Variants in PDPK1 observed in about 807,000 individuals in gnomAD.
PDPK1 encodes the protein 3-phosphoinositide dependent protein kinase 1.
PDPK1 carries 7 observed loss-of-function variants against 39.8 expected under a neutral mutation model. The observed-to-expected ratio is 0.18, with a 90% CI of 0.10 to 0.33. PDPK1 has a LOEUF of 0.33. Ranked by LOEUF, PDPK1 falls within the 10% of genes least tolerant of loss-of-function variation. PDPK1 has a pLI of 1.00. For missense variants in PDPK1, 182 were observed against 384.7 expected (o/e 0.47, Z 4.41); for synonymous variants, 118 against 159.1 (o/e 0.74, Z 1.95).
At position 2,585,495 on chromosome 16, in the gene PDPK1, G is replaced by A. The variant is rs577845926; in HGVS notation, c.1126-1181G>A. On this transcript the variant is annotated intron_variant, in intron 10 of 13. Transcript: ENST00000342085. ...GCACTGGGCGTCCCCTTCAGCCAGG[G>A]AGGTTGGCCATGGTACCTGCCCTTG... Among the ~76,000 whole-genome samples, 7 of 152,360 alleles carry A rather than the reference G, an allele frequency of 4.6e-5. No homozygotes were observed. In the South Asian group the frequency reaches 1.0e-3, roughly 23 times the overall value.
intron 6 of PDPK1, chr16:2,577,127 C>T: frequency 3.8e-6 from 2 of 526,112 alleles, no homozygotes; most frequent in Non-Finnish European, 3.4e-6. Flanking sequence ...TGCAGTGAGC[C>T]AGCCAGCGCC....
intron 1 of PDPK1, among the ~76,000 whole-genome samples, chr16:2,553,194 A>G (rs1460442396): frequency 2.2e-5 from 3 of 135,318 alleles, no homozygotes; most frequent in Non-Finnish European, 4.6e-5. Context: ...AAAAAAAAAG[A>G]AAAGAGAGCC....
rs977240030 is a variant in PDPK1, at chr16:2,593,973, C to T, written c.1344-1820C>T. On this transcript the variant is annotated intron_variant, in intron 11 of 13. Transcript: ENST00000342085. The surrounding 1 kb of genome is among the most constrained non-coding windows in gnomAD (Gnocchi z 4.2). ...GTGCGAGAGGAGGGCTGCACTTGCC[C>T]GCATGCCACACACTCCTCTTGCTTC... 1 of 152,268 alleles carries T rather than the reference C, an allele frequency of 6.6e-6. No homozygotes were observed. The highest frequency in any genetic ancestry group is 1.5e-5 in the Non-Finnish European group (1 of 68,080). The allele number at this position is 152,268 out of a possible 1,614,324, so 9.4% of individuals were successfully genotyped here.
At position 2,597,054 on chromosome 16, in the gene PDPK1, C is replaced by T; in HGVS notation, c.1402-69C>T. 1 of 1,325,312 alleles carries T rather than the reference C, an allele frequency of 7.5e-7. No homozygotes were observed. Among genetic ancestry groups the T allele is most frequent in the Non-Finnish European group, 1.0e-6 (1 of 973,612 alleles). The allele number at this position is 1,325,312 out of a possible 1,614,324, so 82.1% of individuals were successfully genotyped here. A position where few individuals can be genotyped will look rare whatever the true frequency, so the allele number is the denominator to read the frequency against. Reference sequence around the variant, plus strand: ...TGAGCAGCTCCGAGGGGCCGCCCAGCCCTCTAGGCTCCAGGAGATGCCGTC... The same window carrying T: ...TGAGCAGCTCCGAGGGGCCGCCCAGTCCTCTAGGCTCCAGGAGATGCCGTC... On this transcript the variant is annotated intron_variant, in intron 12 of 13. Transcript: ENST00000342085. This position sits in a 1 kb window ranked among gnomAD's most constrained non-coding sequence, Gnocchi z 6.3.
chr16:2,597,787 G>T lies in PDPK1; in HGVS notation c.*20G>T. 8 of 1,532,848 alleles carry T rather than the reference G, an allele frequency of 5.2e-6. No homozygotes were observed. The highest frequency in any genetic ancestry group is 7.2e-6 in the Non-Finnish European group (8 of 1,109,038). The allele number at this position is 1,532,848 out of a possible 1,614,324, so 95.0% of individuals were successfully genotyped here. A position where few individuals can be genotyped will look rare whatever the true frequency, so the allele number is the denominator to read the frequency against. On this transcript the variant is annotated 3_prime_UTR_variant, in exon 14 of 14. Transcript: ENST00000342085. The surrounding 1 kb of genome is among the most constrained non-coding windows in gnomAD (Gnocchi z 6.3). ...CAGTGACGTGGCCTGCGGCCGGGCTGCCCTTCGCTGCCAGGACACCTGCCC... is the reference window on the plus strand; with the variant it reads ...CAGTGACGTGGCCTGCGGCCGGGCTTCCCTTCGCTGCCAGGACACCTGCCC...
intron 11 of PDPK1, among the ~76,000 whole-genome samples, chr16:2,594,965 C>CA (rs1260790006): frequency 4.6e-5 from 7 of 151,878 alleles, no homozygotes; most frequent in East Asian, 1.9e-4. Context: ...ACTAAAGATA[C>CA]AAAAAAAATT....
chr16:2,596,494 G>A (rs1050684922), intron 12 of PDPK1, among the ~76,000 whole-genome samples: 4 of 152,188 alleles, frequency 2.6e-5, no homozygotes, highest in Non-Finnish European at 5.9e-5. Context: ...GCGCCCGGCC[G>A]GGTTGTTCTT....
intron 1 of PDPK1, among the ~76,000 whole-genome samples, chr16:2,542,247 CCT>C (rs2066258337): frequency 1.3e-5 from 2 of 152,194 alleles, no homozygotes. Flanking sequence ...GCAACCTCCG[CCT>C]CATGGGTTCA....
chr16:2,551,833 A>G (rs1436457146), intron 1 of PDPK1, among the ~76,000 whole-genome samples: 3 of 151,202 alleles, frequency 2.0e-5, no homozygotes, highest in African/African-American at 4.8e-5. Flanking sequence ...CACCCAGCTA[A>G]TGTTTGTATC....
intron 7 of PDPK1, chr16:2,580,101 T>TA (rs1358927764): frequency 6.7e-6 from 1 of 149,228 alleles, no homozygotes; most frequent in Non-Finnish European, 1.5e-5. Flanking sequence ...GCGTGGCTTT[T>TA]ATGCCATTCG....
Position 2,592,574 on chromosome 16 carries a change from C to T in PDPK1, c.1344-3219C>T, listed in dbSNP as rs537679439. On this transcript the variant is annotated intron_variant, in intron 11 of 13. Coordinates refer to ENST00000342085, the MANE Select transcript of PDPK1 (RefSeq NM_002613.5). ...CCTGTAATCCCAGCTACTCAGGAGG[C>T]TGAGACAGGAGAATCGCTTGAACCC... 1.7e-5 allele frequency: 6 copies of T among 353,154 alleles called. No homozygotes were observed. In the East Asian group the frequency reaches 4.7e-4, roughly 28 times the overall value. The allele number at this position is 353,154 out of a possible 1,614,324, so 21.9% of individuals were successfully genotyped here.
intron 11 of PDPK1, among the ~76,000 whole-genome samples, chr16:2,589,501 A>G (rs545657710): frequency 5.8e-4 from 89 of 152,218 alleles, no homozygotes; most frequent in African/African-American, 2.1e-3. Context: ...CAGCCTGGGC[A>G]AGAAACTGAA....
chr16:2,595,950 C>G, intron 12 of PDPK1, 100 bp downstream of exon 12: 2 of 880,114 alleles, frequency 2.3e-6, no homozygotes, highest in Non-Finnish European at 3.8e-6. Flanking sequence ...CCTTCCATCT[C>G]TTGATTTTCA....
chr16:2,596,296 AT>A (rs1404460149), intron 12 of PDPK1, among the ~76,000 whole-genome samples: 5 of 152,148 alleles, frequency 3.3e-5, no homozygotes, highest in African/African-American at 1.2e-4. Flanking sequence ...GGTTCACACC[AT>A]TCTCCTGCCT....
intron 11 of PDPK1, 69 bp downstream of exon 11, chr16:2,586,962 G>C: frequency 7.3e-7 from 1 of 1,376,824 alleles, no homozygotes; most frequent in Non-Finnish European, 1.0e-6. Flanking sequence ...GGCTTATGGT[G>C]GGTGCCTTTG....
chr16:2,589,307 A>G (rs1210111005), intron 11 of PDPK1, among the ~76,000 whole-genome samples: 2 of 152,134 alleles, frequency 1.3e-5, no homozygotes, highest in South Asian at 2.1e-4. Flanking sequence ...AGCTCTTACT[A>G]TCTCTTCATT....
At chr16:2,587,570 G>A (rs983068601) in intron 11 of PDPK1, among the ~76,000 whole-genome samples, 7 of 151,934 alleles carry the variant, frequency 4.6e-5, no homozygotes, top group African/African-American at 1.5e-4. Context: ...ATGCAGTGGC[G>A]CGATCTCAGC....
At chr16:2,592,319 C>T (rs1307167654) in intron 11 of PDPK1, among the ~76,000 whole-genome samples, 3 of 152,054 alleles carry the variant, frequency 2.0e-5, no homozygotes, top group South Asian at 2.1e-4. Flanking sequence ...GCCAAGATGG[C>T]GGTGTATGAG....
rs2067159980 is a variant in PDPK1 at position 2,599,035 on chromosome 16, G to C, written c.*1268G>C. 4.3e-6 allele frequency: 1 copy of C among 233,354 alleles called. No individual in the cohort carries two copies. The highest frequency in any genetic ancestry group is 1.8e-4 in the South Asian group (1 of 5,536). The allele number at this position is 233,354 out of a possible 1,614,324, so 14.5% of individuals were successfully genotyped here. A position where few individuals can be genotyped will look rare whatever the true frequency, so the allele number is the denominator to read the frequency against. ...TTGCTGGTCGGCTTTCCTCTAGAGA[G>C]AGCCGGTTTTGGGGCCATTTCCCTT... On this transcript the variant is annotated 3_prime_UTR_variant, in exon 14 of 14. Transcript: ENST00000342085.
Sources: allele counts gnomAD v4.1 joint callset (sites outside exome capture counted in the v4.1 genomes callset), GRCh38; gene constraint gnomAD v4.1.1; non-coding constraint Gnocchi (gnomAD v3.1); transcripts MANE v1.5; gene names NCBI Gene and HGNC (gene_info 2026-07-23, HGNC 2026-07-21).